Variants in UPP2 observed in about 807,000 individuals in gnomAD.
The protein encoded by UPP2 is UPase 2.
Under a neutral mutation model 26.7 loss-of-function variants are expected in UPP2, and 23 were observed. The observed-to-expected ratio is 0.86, with a 90% CI of 0.62 to 1.22. UPP2 has a LOEUF of 1.22. UPP2 is among the 50% of genes most tolerant of loss of function. The pLI is 0.00. For synonymous variants in UPP2, 127 were observed against 141.3 expected (o/e 0.90, Z 0.72); for missense variants, 387 against 396.7 (o/e 0.98, Z 0.21).
chr2:158,016,259 G>T (rs1050295943), intron 3 of UPP2, among the ~76,000 whole-genome samples: 6 of 151,654 alleles, frequency 4.0e-5, no homozygotes, highest in Non-Finnish European at 7.4e-5. Flanking sequence ...TACTTTATAG[G>T]GATCAAGTTG....
chr2:158,009,743 A>G (rs149622551), intron 2 of UPP2, among the ~76,000 whole-genome samples: 244 of 152,262 alleles, frequency 1.6e-3, no homozygotes, highest in Non-Finnish European at 2.8e-3. Flanking sequence ...CCCTGCATCT[A>G]CCTGCAGACT....
At position 158,115,162 on chromosome 2, in the gene UPP2, A is replaced by G. The variant is rs1476673764; in HGVS notation, c.242A>G (p.Glu81Gly). 6.2e-7 allele frequency: 1 copy of G among 1,613,778 alleles called. No individual in the cohort carries two copies. Among genetic ancestry groups the G allele is most frequent in the Non-Finnish European group, 8.5e-7 (1 of 1,179,872 alleles). ...GCATTTGCACTGTTTATGCACAAGG[A>G]GCTCGGGTTTGAGGAAGCTGAAGAA... ...MKAFALFMHK[E>G]LGFEEAEEDI... Residue 81 changes from glutamate to glycine, a missense_variant, in exon 3 of 7, where the codon GAG (glutamate) becomes GGG (glycine). Physicochemically the swap from Glu to Gly is moderately conservative, Grantham distance 98. Transcript: ENST00000005756.
At chr2:158,118,062 T>C in intron 4 of UPP2, 124 bp downstream of exon 4, 1 of 761,482 alleles carries the variant, frequency 1.3e-6, no homozygotes, top group South Asian at 1.8e-5. Context: ...GTCAGAAGGC[T>C]GGACTTGAGG....
intron 3 of UPP2, among the ~76,000 whole-genome samples, chr2:158,087,519 T>A (rs1162597862): frequency 1.3e-5 from 2 of 152,206 alleles, no homozygotes; most frequent in Non-Finnish European, 2.9e-5. Context: ...TACTATTCTA[T>A]TCATCACGCT....
At chr2:158,010,604 A>C (rs1558902566) in intron 2 of UPP2, among the ~76,000 whole-genome samples, 1 of 152,210 alleles carries the variant, frequency 6.6e-6, no homozygotes, top group Non-Finnish European at 1.5e-5. Context: ...GTATGCATGA[A>C]TTCAATTTAA....
At chr2:158,050,138 A>G (rs1378547514) in intron 3 of UPP2, among the ~76,000 whole-genome samples, 1 of 152,244 alleles carries the variant, frequency 6.6e-6, no homozygotes, top group Non-Finnish European at 1.5e-5. Flanking sequence ...CTGATACAGA[A>G]ATTTAGCAGA....
chr2:158,119,485 C>T lies in UPP2; in HGVS notation c.454+1547C>T, dbSNP rs187631687. On this transcript the variant is annotated intron_variant, in intron 4 of 6. Transcript: ENST00000005756. ...ATGAAAGATGTACACAGTATTGTCG[C>T]TCACATGATCCCTTCCTACATGAGC... Among the ~76,000 whole-genome samples, 121 of 152,186 alleles carry T rather than the reference C, an allele frequency of 8.0e-4. 3 individuals carry two copies. Among genetic ancestry groups the T allele is most frequent in the African/African-American group, 2.6e-3 (109 of 41,558 alleles).
intron 6 of UPP2, 60 bp downstream of exon 6, chr2:158,123,955 C>T (rs907985308): frequency 6.4e-6 from 10 of 1,559,286 alleles, no homozygotes; most frequent in Non-Finnish European, 8.7e-6. Flanking sequence ...TACTTTTACA[C>T]CTTAGGAGAA....
chr2:158,093,124 T>C (rs1159908014), intron 3 of UPP2, among the ~76,000 whole-genome samples: 2 of 152,146 alleles, frequency 1.3e-5, no homozygotes, highest in African/African-American at 2.4e-5. Flanking sequence ...TTTCACCACA[T>C]TGGCTAGGCT....
At chr2:158,117,699 T>A in intron 3 of UPP2, 125 bp from the exon 4 acceptor site, 1 of 732,106 alleles carries the variant, frequency 1.4e-6, no homozygotes, top group South Asian at 1.8e-5. Context: ...TCCTCAGCAT[T>A]GGCAAAGTCT....
At chr2:158,021,423 G>A (rs2105148670) in intron 3 of UPP2, among the ~76,000 whole-genome samples, 1 of 152,334 alleles carries the variant, frequency 6.6e-6, no homozygotes. Context: ...CCCATATGGT[G>A]TCAACAGACG....
At chr2:158,016,660 C>T (rs569366109) in intron 3 of UPP2, among the ~76,000 whole-genome samples, 3 of 151,976 alleles carry the variant, frequency 2.0e-5, no homozygotes, top group African/African-American at 7.3e-5. Flanking sequence ...TTTTGATCAC[C>T]CTAGACCATC....
Position 158,110,796 on chromosome 2 carries a change from G to C in UPP2, c.181-4305G>C, listed in dbSNP as rs375583420. Among the ~76,000 whole-genome samples, 159 of 152,096 alleles carry C rather than the reference G, an allele frequency of 1.0e-3. 4 individuals are homozygous for C. The South Asian group carries it at 0.024, about 23-fold the overall frequency. On this transcript the variant is annotated intron_variant, in intron 2 of 6. Coordinates refer to ENST00000005756, the MANE Select transcript of UPP2 (RefSeq NM_173355.4). ...ATGAGCATTTTTTCATGTGTTTTTTGGCTGCATAAATGTCTTCTTTTGAGA... is the reference window on the plus strand; with the variant it reads ...ATGAGCATTTTTTCATGTGTTTTTTCGCTGCATAAATGTCTTCTTTTGAGA...
At chr2:158,077,380 C>T (rs550937819) in intron 3 of UPP2, among the ~76,000 whole-genome samples, 37 of 151,990 alleles carry the variant, frequency 2.4e-4, no homozygotes, top group Admixed American at 4.6e-4. Context: ...TCACATTACC[C>T]GACTTCAAAT....
intron 2 of UPP2, among the ~76,000 whole-genome samples, chr2:158,002,918 T>C (rs1683430862): frequency 6.6e-6 from 1 of 152,158 alleles, no homozygotes; most frequent in Admixed American, 6.5e-5. Context: ...TTTTTTCCTT[T>C]TTCTTTTCTT....
intron 3 of UPP2, among the ~76,000 whole-genome samples, chr2:158,115,749 AG>A (rs1683416612): frequency 1.3e-5 from 2 of 152,234 alleles, no homozygotes; most frequent in Admixed American, 1.3e-4. Flanking sequence ...GGAAGCACAC[AG>A]TGCCCTAAGA....
chr2:158,107,497 C>G (rs1048417582), intron 2 of UPP2, among the ~76,000 whole-genome samples: 59 of 152,214 alleles, frequency 3.9e-4, no homozygotes, highest in African/African-American at 1.3e-3. Flanking sequence ...GCTCATTGCA[C>G]TAGGAGGACC....
intron 3 of UPP2, among the ~76,000 whole-genome samples, chr2:158,093,467 A>G (rs1370801536): frequency 6.6e-6 from 1 of 152,204 alleles, no homozygotes; most frequent in East Asian, 1.9e-4. Flanking sequence ...TTTGGAAGTA[A>G]AGGACAATAT....
At position 158,066,008 on chromosome 2, in the gene UPP2, A is replaced by G. The variant is rs56270663; in HGVS notation, c.148-36032A>G. On this transcript the variant is annotated intron_variant, in intron 3 of 9. Coordinates refer to the UPP2 transcript ENST00000605860. ...TTGTATTTGGAGAAGTATCATCCTT[A>G]AAGATGTGGCTGCACTTCAAAGACT... 1.6e-3 allele frequency: 592 copies of G among 360,598 alleles called. 2 individuals carry two copies. Among genetic ancestry groups the G allele is most frequent in the African/African-American group, 0.012 (534 of 45,952 alleles). 22.3% of individuals were successfully genotyped at this position (360,598 alleles called of 1,614,324 possible). A position where few individuals can be genotyped will look rare whatever the true frequency, so the allele number is the denominator to read the frequency against.
Sources: allele counts gnomAD v4.1 joint callset (sites outside exome capture counted in the v4.1 genomes callset), GRCh38; gene constraint gnomAD v4.1.1; transcripts MANE v1.5; gene names NCBI Gene and HGNC (gene_info 2026-07-23, HGNC 2026-07-21).